The following SLC18A2 variants were observed in gnomAD, a reference collection of about 807,000 sequenced individuals.
SLC18A2 encodes the protein synaptic vesicular amine transporter.
In SLC18A2, 33 loss-of-function variants were observed where a neutral mutation model predicts 59.2. The observed-to-expected ratio is 0.56, with a 90% CI of 0.42 to 0.75. The LOEUF is 0.75. Among genes scored for constraint, SLC18A2 ranks in the 30% least tolerant of loss-of-function variants. SLC18A2 has a pLI of 0.00. For synonymous variants in SLC18A2, 228 were observed against 253.5 expected (o/e 0.90, Z 0.95); for missense variants, 569 against 668.6 (o/e 0.85, Z 1.64).
intron 15 of SLC18A2, 28 bp from the exon 16 acceptor site, chr10:117,277,134 A>C: frequency 8.2e-7 from 1 of 1,220,062 alleles, no homozygotes; most frequent in Non-Finnish European, 1.2e-6. Context: ...ACAAGAAGTT[A>C]ATATACTTGC....
At chr10:117,243,835 C>A (rs1254177258) in intron 2 of SLC18A2, 136 bp from the exon 3 acceptor site, 4 of 673,304 alleles carry the variant, frequency 5.9e-6, no homozygotes, top group Non-Finnish European at 9.9e-6. Flanking sequence ...ATCCACCTGC[C>A]TCAGCTTCCC....
intron 10 of SLC18A2, among the ~76,000 whole-genome samples, chr10:117,262,649 T>C (rs1844307173): frequency 6.6e-6 from 1 of 152,084 alleles, no homozygotes. Context: ...TGCATGCAAC[T>C]CTTGAGCTGA....
At chr10:117,268,904 GTA>G (rs374368878) in intron 13 of SLC18A2, among the ~76,000 whole-genome samples, 27 of 150,096 alleles carry the variant, frequency 1.8e-4, no homozygotes, top group Admixed American at 6.8e-4. Flanking sequence ...TGTGTTGTGT[GTA>G]TGTGTGTGAA....
intron 9 of SLC18A2, among the ~76,000 whole-genome samples, chr10:117,256,942 C>G (rs1408862146): frequency 6.6e-6 from 1 of 152,106 alleles, no homozygotes; most frequent in East Asian, 1.9e-4. Flanking sequence ...CTACCCAGCA[C>G]TCCTGGACTG....
In SLC18A2 at chr10:117,277,549, A is replaced by G. The variant is rs549800487; in HGVS notation, c.*283A>G. On this transcript the variant is annotated 3_prime_UTR_variant, in exon 16 of 16. Transcript: ENST00000644641. ...TTTTGATGAAATAGGTATTGTGTAA[A>G]TCTATAAATATTTGAATCCAAACCA... 1.5e-4 allele frequency: 28 copies of G among 186,004 alleles called. No homozygotes were observed. The highest frequency in any genetic ancestry group is 6.5e-4 in the African/African-American group (28 of 42,832). The allele number at this position is 186,004 out of a possible 1,614,324, so 11.5% of individuals were successfully genotyped here.
Position 117,261,112 on chromosome 10 carries a change from C to T in SLC18A2, c.991+3220C>T, listed in dbSNP as rs1844289310. 3.3e-5 allele frequency among the ~76,000 whole-genome samples: 5 copies of T among 152,108 alleles called. No individual in the cohort carries two copies. The South Asian group carries it at 1.0e-3, about 31-fold the overall frequency. ...GTGGCTTATGCCTGTAATCCCAGCA[C>T]TTTGGGAGGCCGAGGCAGGTGGATT... On this transcript the variant is annotated intron_variant, in intron 10 of 15. Transcript: ENST00000644641.
chr10:117,241,807 T>C lies in SLC18A2; in HGVS notation c.114T>C (p.Thr38=). 6.2e-7 allele frequency: 1 copy of C among 1,606,008 alleles called. No individual in the cohort carries two copies. Among genetic ancestry groups the C allele is most frequent in the South Asian group, 1.1e-5 (1 of 90,606 alleles). The change falls in exon 2 of 16, where the codon ACT becomes ACC. Residue 38 remains threonine (T), a synonymous_variant. Coordinates refer to ENST00000644641, the MANE Select transcript of SLC18A2 (RefSeq NM_003054.6). ...TGCTGCTGGACAACATGCTGCTCAC[T>C]GTCGTGGGTACGTGCGGACAGGGCA... The part of the protein sequence containing the change: ...LALLLDNMLL[T]VVVPIIPSYL...
intron 11 of SLC18A2, 45 bp from the exon 12 acceptor site, chr10:117,266,939 A>G (rs997938603): frequency 4.4e-6 from 7 of 1,600,186 alleles, no homozygotes; most frequent in Middle Eastern, 1.7e-4. Context: ...TGGACTAGAA[A>G]AAAATCAAAT....
intron 5 of SLC18A2, 73 bp from the exon 6 acceptor site, chr10:117,254,332 G>A (rs1844201402): frequency 1.5e-6 from 2 of 1,344,412 alleles, no homozygotes; most frequent in Admixed American, 2.0e-5. Context: ...GGCTGGAGAG[G>A]GAAGGCGAGT....
Position 117,269,210 on chromosome 10 carries a change from TAC to T in SLC18A2, c.1187-853_1187-852del, listed in dbSNP as rs549020759. The stretch of plus-strand genomic sequence containing the variant: ...ACACACACACCTACACACATACACA[TAC>T]ACACACATACACAAATACAAGTACA... On this transcript the variant is annotated intron_variant, in intron 13 of 15. Coordinates refer to ENST00000644641, the MANE Select transcript of SLC18A2 (RefSeq NM_003054.6). The surrounding 1 kb of genome is among the most constrained non-coding windows in gnomAD (Gnocchi z 5.1). 9.8e-6 allele frequency among the ~76,000 whole-genome samples: 1 copy of T among 101,762 alleles called. No individual in the cohort carries two copies. Among genetic ancestry groups the T allele is most frequent in the Admixed American group, 1.0e-4 (1 of 10,036 alleles). The allele number at this position is 101,762 out of a possible 152,430, so 66.8% of individuals were successfully genotyped here.
intron 3 of SLC18A2, among the ~76,000 whole-genome samples, chr10:117,248,802 C>G (rs1844134591): frequency 6.6e-6 from 1 of 152,012 alleles, no homozygotes; most frequent in East Asian, 1.9e-4. Context: ...TCTTCAGAAC[C>G]AAAAGATATT....
chr10:117,261,195 AAAAACAAAAC>A (rs140069884), intron 10 of SLC18A2, among the ~76,000 whole-genome samples: 2 of 39,978 alleles, frequency 5.0e-5, no homozygotes, highest in Non-Finnish European at 7.3e-5. Flanking sequence ...CTGTCTCTAC[AAAAACAAAAC>A]AAAACAAAAC....
chr10:117,266,469 C>T (rs1435034099), intron 10 of SLC18A2, among the ~76,000 whole-genome samples: 1 of 152,222 alleles, frequency 6.6e-6, no homozygotes, highest in Non-Finnish European at 1.5e-5. Flanking sequence ...GTGAAGCCCA[C>T]CACCAGCCAG....
At chr10:117,247,378 G>A (rs538628801) in intron 3 of SLC18A2, among the ~76,000 whole-genome samples, 29 of 152,350 alleles carry the variant, frequency 1.9e-4, no homozygotes, top group Non-Finnish European at 3.2e-4. Context: ...AGGCAAAGGA[G>A]TTTGCAGTTC....
intron 10 of SLC18A2, among the ~76,000 whole-genome samples, chr10:117,258,648 C>T (rs1589981456): frequency 6.6e-6 from 1 of 152,110 alleles, no homozygotes; most frequent in African/African-American, 2.4e-5. Context: ...AAACAGCTGT[C>T]TTTTTCCCAC....
Position 117,257,785 on chromosome 10 carries a change from C to G in SLC18A2, c.896-12C>G, listed in dbSNP as rs372726190. On this transcript the variant is annotated splice_polypyrimidine_tract_variant and intron_variant, in intron 9 of 15. Transcript: ENST00000644641. ...GGCAGAAGCCACTACAAAGCCCTTTCCTCCCTTACAGGCTCCATCTGCTTT... is the reference window on the plus strand; with the variant it reads ...GGCAGAAGCCACTACAAAGCCCTTTGCTCCCTTACAGGCTCCATCTGCTTT... 32 of 1,578,000 alleles carry G rather than the reference C, an allele frequency of 2.0e-5. No homozygotes were observed. In the African/African-American group the frequency reaches 4.1e-4, roughly 20 times the overall value.
chr10:117,249,299 T>C (rs749335330), intron 3 of SLC18A2, among the ~76,000 whole-genome samples: 1 of 152,240 alleles, frequency 6.6e-6, no homozygotes, highest in African/African-American at 2.4e-5. Context: ...TGTTAAGCTA[T>C]GTGTCAGAGA....
intron 10 of SLC18A2, among the ~76,000 whole-genome samples, chr10:117,260,674 T>C (rs1250056001): frequency 6.6e-6 from 1 of 152,216 alleles, no homozygotes; most frequent in Admixed American, 6.5e-5. Context: ...TAAAACAACA[T>C]ATAACTGTTG....
At chr10:117,257,776 A>G in intron 9 of SLC18A2, 21 bp from the exon 10 acceptor site, 1 of 1,554,326 alleles carries the variant, frequency 6.4e-7, no homozygotes, top group South Asian at 1.2e-5. Context: ...AGCCACTACA[A>G]AGCCCTTTCC....
Sources: allele counts gnomAD v4.1 joint callset (sites outside exome capture counted in the v4.1 genomes callset), GRCh38; gene constraint gnomAD v4.1.1; non-coding constraint Gnocchi (gnomAD v3.1); transcripts MANE v1.5; gene names NCBI Gene and HGNC (gene_info 2026-07-23, HGNC 2026-07-21).